The following DNAH1 variants were observed in gnomAD, a reference collection of about 807,000 sequenced individuals.
DNAH1 encodes dynein axonemal heavy chain 1.
DNAH1 carries 327 observed loss-of-function variants against 484.3 expected under a neutral mutation model. The observed-to-expected ratio is 0.68, with a 90% CI of 0.62 to 0.74. The LOEUF is 0.74. Ranked by LOEUF, DNAH1 falls within the 30% of genes least tolerant of loss-of-function variation. DNAH1 has a pLI of 0.00. For synonymous variants in DNAH1, 2,192 were observed against 2,191.9 expected (o/e 1.00, Z 0.00); for missense variants, 5,052 against 5,546.8 (o/e 0.91, Z 2.83).
At position 52,362,609 on chromosome 3, in the gene DNAH1, G is replaced by A; in HGVS notation, c.5094+108G>A. Reference sequence around the variant, plus strand: ...CAGTTGCTTGGACTCCAGGGACTGTGATTCCCTATGGTAGCCCCTTAGCCA... The same window carrying A: ...CAGTTGCTTGGACTCCAGGGACTGTAATTCCCTATGGTAGCCCCTTAGCCA... On this transcript the variant is annotated intron_variant, in intron 31 of 77. Transcript: ENST00000420323. This position sits in a 1 kb window ranked among gnomAD's most constrained non-coding sequence, Gnocchi z 5.1. The A allele has an allele frequency of 9.9e-7, 1 of 1,009,730 alleles. No homozygotes were observed. The highest frequency in any genetic ancestry group is 1.5e-6 in the Non-Finnish European group (1 of 676,800). 62.5% of individuals were successfully genotyped at this position (1,009,730 alleles called of 1,614,324 possible).
Position 52,378,772 on chromosome 3 carries a change from A to G in DNAH1, c.7369A>G (p.Lys2457Glu), listed in dbSNP as rs766558181. The G allele has an allele frequency of 6.2e-7, 1 of 1,613,620 alleles. No homozygotes were observed. The highest frequency in any genetic ancestry group is 8.5e-7 in the Non-Finnish European group (1 of 1,179,868). The stretch of plus-strand genomic sequence containing the variant: ...AGGCATGCTCATGGCTGACCCGGCC[A>G]AGGTCGAGGTGAGGACCAGGCAGGC... The part of the protein sequence containing the change: ...FQGMLMADPA[K>E]VEDQVQLLRL... The change falls in exon 47 of 78, where the codon AAG becomes GAG. Residue 2457 changes from lysine (K) to glutamate (E), a missense_variant. Physicochemically the swap from Lys to Glu is moderately conservative, Grantham distance 56. Around this residue, in one of 4 missense-constraint regions of DNAH1, gnomAD observed 2,929 missense variants for 3,409.4 expected, o/e 0.86. Transcript: ENST00000420323.
At chr3:52,326,687 C>T (rs1308540333) in intron 4 of DNAH1, 48 bp from the exon 5 acceptor site, 3 of 1,543,672 alleles carry the variant, frequency 1.9e-6, no homozygotes, top group South Asian at 1.2e-5. Flanking sequence ...ATGGAGCCAC[C>T]TCACACGAGC....
rs763908573 is a variant in DNAH1, at chr3:52,353,637, G to A, written c.3480+4G>A. On this transcript the variant is annotated splice_donor_region_variant and intron_variant, in intron 20 of 77. Transcript: ENST00000420323. This position sits in a 1 kb window ranked among gnomAD's most constrained non-coding sequence, Gnocchi z 5.0. ...CAAGGAGTACGCCATCGAGCAGGTGGGTAGCCACCAGCGGGCCCAGCCACT... is the reference window on the plus strand; with the variant it reads ...CAAGGAGTACGCCATCGAGCAGGTGAGTAGCCACCAGCGGGCCCAGCCACT... 2.5e-5 allele frequency: 39 copies of A among 1,575,776 alleles called. No homozygotes were observed. The Middle Eastern group carries it at 6.6e-4, about 27-fold the overall frequency.
At position 52,352,571 on chromosome 3, in the gene DNAH1, C is replaced by G; in HGVS notation, c.2891C>G (p.Ser964Cys). 1 of 1,610,740 alleles carries G rather than the reference C, an allele frequency of 6.2e-7. No individual in the cohort carries two copies. ...EGLQLVVAGF[S>C]IHVEISRAHE... is the part of the protein sequence containing the mutation. ...CTGCAGCTGGTAGTAGCTGGCTTCT[C>G]CATCCATGTGGAGATTTCACGTGCA... The change falls in exon 18 of 78, where the codon TCC becomes TGC. Residue 964 changes from serine (S) to cysteine (C), a missense_variant. Coordinates refer to ENST00000420323, the MANE Select transcript of DNAH1 (RefSeq NM_015512.5).
At position 52,352,982 on chromosome 3, in the gene DNAH1, G is replaced by A. The variant is rs756075840; in HGVS notation, c.3028-121G>A. 8 of 1,097,006 alleles carry A rather than the reference G, an allele frequency of 7.3e-6. No homozygotes were observed. In the East Asian group the frequency reaches 7.7e-5, roughly 11 times the overall value. The allele number at this position is 1,097,006 out of a possible 1,614,324, so 68.0% of individuals were successfully genotyped here. A position where few individuals can be genotyped will look rare whatever the true frequency, so the allele number is the denominator to read the frequency against. On this transcript the variant is annotated intron_variant, in intron 18 of 77. Transcript: ENST00000420323. ...GCCAGGCCCAGGTGTTTGGGGGCACGGTCAGGGACATCAGCCAGGAGCAAG... is the reference window on the plus strand; with the variant it reads ...GCCAGGCCCAGGTGTTTGGGGGCACAGTCAGGGACATCAGCCAGGAGCAAG...
At position 52,347,785 on chromosome 3, in the gene DNAH1, C is replaced by G. The variant is rs762563412; in HGVS notation, c.1956-39C>G. ...AGGGCTGCTCCTGCACACAGGCCTC[C>G]TAGGCCTCTGCCCACAGTCAGCTCG... On this transcript the variant is annotated intron_variant, in intron 11 of 77. Transcript: ENST00000420323. 5.9e-6 allele frequency: 9 copies of G among 1,527,960 alleles called. No homozygotes were observed. In the South Asian group the frequency reaches 1.0e-4, roughly 17 times the overall value. 94.7% of individuals were successfully genotyped at this position (1,527,960 alleles called of 1,614,324 possible). A position where few individuals can be genotyped will look rare whatever the true frequency, so the allele number is the denominator to read the frequency against.
At chr3:52,326,415 G>A (rs1212459565) in intron 4 of DNAH1, 101 bp downstream of exon 4, 1 of 1,375,398 alleles carries the variant, frequency 7.3e-7, no homozygotes, top group African/African-American at 1.4e-5. Context: ...CCTCATGGCA[G>A]AGCCTGTGCA....
chr3:52,331,504 GC>G (rs1701548835), intron 7 of DNAH1, among the ~76,000 whole-genome samples, 195 bp downstream of exon 7: 1 of 152,136 alleles, frequency 6.6e-6, no homozygotes. Context: ...CCATTATTTG[GC>G]ATGTCAGCTC....
intron 9 of DNAH1, among the ~76,000 whole-genome samples, chr3:52,344,871 T>A (rs1399980141): frequency 6.6e-6 from 1 of 152,238 alleles, no homozygotes; most frequent in Admixed American, 6.5e-5. Flanking sequence ...TTAGTGAGAA[T>A]AGCACAGAAG....
At chr3:52,372,843 C>T in intron 43 of DNAH1, 53 bp from the exon 44 acceptor site, 1 of 1,566,260 alleles carries the variant, frequency 6.4e-7, no homozygotes, top group Admixed American at 1.9e-5. Flanking sequence ...CCCCTGGATT[C>T]TCAGAGGACC....
intron 73 of DNAH1, 127 bp from the exon 74 acceptor site, chr3:52,397,580 A>T (rs1045682954): frequency 7.9e-6 from 7 of 884,698 alleles, no homozygotes; most frequent in Non-Finnish European, 1.0e-5. Context: ...AGGGACATGC[A>T]TAAGGGTTAT....
chr3:52,384,017 G>A lies in DNAH1; in HGVS notation c.8308G>A (p.Glu2770Lys). The change falls in exon 52 of 78, where the codon GAA (glutamate) becomes AAA (lysine). Residue 2770 changes from glutamate to lysine, a missense_variant. Transcript: ENST00000420323. ...EIPELESSQE[E>K]IQGLIQVCVY... ...CCCAGAACTGGAATCCTCCCAGGAA[G>A]AAATCCAAGGACTGGTGGGTGTCTT... 1 of 1,605,238 alleles carries A rather than the reference G, an allele frequency of 6.2e-7. No homozygotes were observed. The highest frequency in any genetic ancestry group is 1.3e-5 in the African/African-American group (1 of 74,906).
Position 52,360,404 on chromosome 3 carries a change from G to A in DNAH1, c.4665G>A (p.Val1555=). The A allele has an allele frequency of 6.2e-7, 1 of 1,613,842 alleles. No individual in the cohort carries two copies. The highest frequency in any genetic ancestry group is 8.5e-7 in the Non-Finnish European group (1 of 1,179,796). ...ACCTGGGCAACAGTGGGAGGCTGGT[G>A]ATCACGCCCCTCACCGACAGGTAAG... The part of the protein sequence containing the change: ...YEYLGNSGRL[V]ITPLTDRCYL... Residue 1555 remains valine, a synonymous_variant, in exon 28 of 78, where the codon GTG becomes GTA. Transcript: ENST00000420323.
intron 59 of DNAH1, 28 bp downstream of exon 59, chr3:52,388,965 C>G: frequency 6.4e-7 from 1 of 1,556,512 alleles, no homozygotes; most frequent in Non-Finnish European, 8.7e-7. Context: ...CTGTCTCTGA[C>G]CAGCCTCGCC....
At chr3:52,357,871 G>A (rs200838325) in intron 23 of DNAH1, 27 bp from the exon 24 acceptor site, 40 of 1,604,736 alleles carry the variant, frequency 2.5e-5, no homozygotes, top group Non-Finnish European at 3.2e-5. Flanking sequence ...TGCACGACCC[G>A]CTTCCTCACC....
chr3:52,369,721 C>T lies in DNAH1; in HGVS notation c.5944-104C>T, dbSNP rs541258007. On this transcript the variant is annotated intron_variant, in intron 37 of 77. Transcript: ENST00000420323. The stretch of plus-strand genomic sequence containing the variant: ...CCCCTGCCCCACAGCCTGCCCACAC[C>T]GCCCACTTACAGGATGTGCAGCCCC... 144 of 1,275,194 alleles carry T rather than the reference C, an allele frequency of 1.1e-4. No homozygotes were observed. In the South Asian group the frequency reaches 1.7e-3, roughly 15 times the overall value. The allele number at this position is 1,275,194 out of a possible 1,614,324, so 79.0% of individuals were successfully genotyped here.
Position 52,368,592 on chromosome 3 carries a change from C to A in DNAH1, c.5766-149C>A. Reference sequence around the variant, plus strand: ...TACACCATGTGACACCAAAAAAATCCCACTTTTCCTATTATAATTTTTAAA... The same window carrying A: ...TACACCATGTGACACCAAAAAAATCACACTTTTCCTATTATAATTTTTAAA... On this transcript the variant is annotated intron_variant, in intron 36 of 77. Coordinates refer to ENST00000420323, the MANE Select transcript of DNAH1 (RefSeq NM_015512.5). The surrounding 1 kb of genome is among the most constrained non-coding windows in gnomAD (Gnocchi z 4.4). 1 of 848,090 alleles carries A rather than the reference C, an allele frequency of 1.2e-6. No individual in the cohort carries two copies. Among genetic ancestry groups the A allele is most frequent in the Non-Finnish European group, 1.8e-6 (1 of 558,702 alleles). The allele number at this position is 848,090 out of a possible 1,614,324, so 52.5% of individuals were successfully genotyped here. A position where few individuals can be genotyped will look rare whatever the true frequency, so the allele number is the denominator to read the frequency against.
chr3:52,329,790 A>C (rs1253433502), intron 6 of DNAH1, among the ~76,000 whole-genome samples: 1 of 151,030 alleles, frequency 6.6e-6, no homozygotes, highest in Non-Finnish European at 1.5e-5. Flanking sequence ...GCGCCATTGC[A>C]CTCCAGCCTG....
chr3:52,388,810 T>C lies in DNAH1; in HGVS notation c.9368T>C (p.Ile3123Thr). 6.2e-7 allele frequency: 1 copy of C among 1,613,432 alleles called. No individual in the cohort carries two copies. Among genetic ancestry groups the C allele is most frequent in the Non-Finnish European group, 8.5e-7 (1 of 1,179,818 alleles). ...CCCACGGGGCTGCCCCTCCAGCTCA[T>C]CAACGGGCTGTCGGATGAGAAGGTG... is the stretch of plus-strand genomic sequence containing the variant. The part of the protein sequence containing the change: ...EQRLGRAGKL[I>T]NGLSDEKVRW... The change falls in exon 59 of 78, where the codon ATC becomes ACC. Residue 3123 changes from isoleucine to threonine, a missense_variant. By Grantham distance (89) the Ile-to-Thr change is moderately conservative. Around this residue, in one of 4 missense-constraint regions of DNAH1, gnomAD observed 2,929 missense variants for 3,409.4 expected, o/e 0.86. Transcript: ENST00000420323.
Sources: allele counts gnomAD v4.1 joint callset (sites outside exome capture counted in the v4.1 genomes callset), GRCh38; gene constraint gnomAD v4.1.1; regional missense constraint gnomAD v4.1.1; non-coding constraint Gnocchi (gnomAD v3.1); transcripts MANE v1.5; gene names NCBI Gene and HGNC (gene_info 2026-07-23, HGNC 2026-07-21).